The following GPM6A variants were observed in gnomAD, a reference collection of about 807,000 sequenced individuals.
The protein encoded by GPM6A is glycoprotein M6A.
Under a neutral mutation model 32.1 loss-of-function variants are expected in GPM6A, and 7 were observed. The ratio of observed to expected loss-of-function variants is 0.22; its 90% CI spans 0.12 to 0.41. GPM6A has a LOEUF of 0.41. Ranked by LOEUF, GPM6A falls within the 10% of genes least tolerant of loss-of-function variation. The probability of loss-of-function intolerance (pLI) is 1.00; values close to 1 mark genes in which losing one functional copy is unlikely to be tolerated. For missense variants in GPM6A, 235 were observed against 347.2 expected, an observed-to-expected ratio of 0.68 and a Z score of 2.57; for synonymous variants, 130 against 123.4, an observed-to-expected ratio of 1.05 and a Z score of -0.35.
intron 1 of GPM6A, among the ~76,000 whole-genome samples, chr4:175,804,243 C>T (rs1734589406): frequency 6.6e-6 from 1 of 152,174 alleles, no homozygotes; most frequent in Admixed American, 6.5e-5. Context: ...CTTACTGCCA[C>T]TCAAATGTAC....
intron 1 of GPM6A, among the ~76,000 whole-genome samples, chr4:175,832,009 G>A (rs1015255093): frequency 2.6e-5 from 4 of 151,890 alleles, no homozygotes; most frequent in African/African-American, 7.3e-5. Flanking sequence ...GTGAGCCACC[G>A]TGCCTGGCCT....
chr4:175,878,187 G>A (rs1737147032), intron 1 of GPM6A, among the ~76,000 whole-genome samples: 1 of 152,168 alleles, frequency 6.6e-6, no homozygotes, highest in Non-Finnish European at 1.5e-5. Context: ...GGTATTGAAT[G>A]TCTACAGCTT....
At chr4:175,684,567 T>G (rs1293871475) in intron 2 of GPM6A, among the ~76,000 whole-genome samples, 1 of 152,230 alleles carries the variant, frequency 6.6e-6, no homozygotes, top group Non-Finnish European at 1.5e-5. Flanking sequence ...ATCTAAAAGA[T>G]AAAATCTAAC....
At chr4:175,711,943 C>G (rs1024823722) in intron 1 of GPM6A, among the ~76,000 whole-genome samples, 1 of 152,036 alleles carries the variant, frequency 6.6e-6, no homozygotes, top group Non-Finnish European at 1.5e-5. Flanking sequence ...AATAGATGCT[C>G]TAAATAGGCA....
At chr4:175,884,048 G>C (rs1393573434) in intron 1 of GPM6A, among the ~76,000 whole-genome samples, 1 of 152,114 alleles carries the variant, frequency 6.6e-6, no homozygotes, top group African/African-American at 2.4e-5. Context: ...TCAAAAATAA[G>C]CTTTTCCTTT....
intron 1 of GPM6A, chr4:175,800,876 G>A (rs969162610): frequency 2.5e-5 from 5 of 197,496 alleles, no homozygotes; most frequent in Non-Finnish European, 2.3e-5. Flanking sequence ...ATTGAGTCAT[G>A]CCACATGTAT....
intron 1 of GPM6A, among the ~76,000 whole-genome samples, chr4:175,851,211 G>C (rs1042954900): frequency 1.3e-5 from 2 of 152,030 alleles, no homozygotes; most frequent in African/African-American, 4.8e-5. Context: ...ACAAAAATTA[G>C]CTGGGTGTGG....
chr4:175,904,443 C>A (rs1738065485), intron 1 of GPM6A, among the ~76,000 whole-genome samples: 1 of 152,072 alleles, frequency 6.6e-6, no homozygotes, highest in South Asian at 2.1e-4. Context: ...TACATATACA[C>A]ACACATATAT....
At chr4:175,871,383 T>A (rs1217256102) in intron 1 of GPM6A, among the ~76,000 whole-genome samples, 1 of 151,938 alleles carries the variant, frequency 6.6e-6, no homozygotes, top group Non-Finnish European at 1.5e-5. Flanking sequence ...GGCAGGAGAA[T>A]CACTTGAACC....
chr4:175,950,548 C>T (rs1006509018), intron 1 of GPM6A, among the ~76,000 whole-genome samples: 4 of 152,182 alleles, frequency 2.6e-5, no homozygotes, highest in African/African-American at 7.2e-5. Context: ...GTTATTGAAA[C>T]GTGCTTCAAA....
In GPM6A at chr4:175,737,198, A is replaced by C. The variant is rs116354025; in HGVS notation, c.38-35431T>G. Among the ~76,000 whole-genome samples the C allele has an allele frequency of 9.9e-3, 1,513 of 152,348 alleles. 23 individuals are homozygous for C. Among genetic ancestry groups the C allele is most frequent in the African/African-American group, 0.034 (1,421 of 41,576 alleles). ...CAAAGCACTTCTTGGTCACTGTATT[A>C]GTCCATTTAGCATTGCTATAAAGGA... On this transcript the variant is annotated intron_variant, in intron 1 of 6. Transcript: ENST00000393658.
intron 1 of GPM6A, among the ~76,000 whole-genome samples, chr4:175,973,685 G>A (rs114969327): frequency 0.012 from 1,864 of 152,228 alleles, 32 homozygotes; most frequent in African/African-American, 0.043. Context: ...CAGCTCCCCT[G>A]GCTAGCCTCT....
chr4:175,732,743 T>C (rs777848312), intron 1 of GPM6A, among the ~76,000 whole-genome samples: 18 of 152,222 alleles, frequency 1.2e-4, no homozygotes, highest in Non-Finnish European at 2.5e-4. Context: ...CTTCTTATGA[T>C]ACTTCTTCAT....
upstream of GPM6A, among the ~76,000 whole-genome samples, chr4:175,817,109 C>A (rs1735129954): frequency 6.6e-6 from 1 of 152,140 alleles, no homozygotes; most frequent in Non-Finnish European, 1.5e-5. Context: ...CCGCCCGCCT[C>A]GGCCTCCCAA....
intron 2 of GPM6A, among the ~76,000 whole-genome samples, chr4:175,683,602 G>A (rs910148943): frequency 3.3e-5 from 5 of 151,964 alleles, no homozygotes; most frequent in African/African-American, 1.2e-4. Flanking sequence ...TGGGTCTTGG[G>A]GGTGGATCTC....
At chr4:175,888,442 T>A (rs1488065503) in intron 1 of GPM6A, among the ~76,000 whole-genome samples, 1 of 151,966 alleles carries the variant, frequency 6.6e-6, no homozygotes, top group Non-Finnish European at 1.5e-5. Flanking sequence ...AAATTAAATA[T>A]ACAAGAACTA....
At chr4:175,708,991 T>A (rs567764474) in intron 1 of GPM6A, among the ~76,000 whole-genome samples, 2 of 152,328 alleles carry the variant, frequency 1.3e-5, no homozygotes, top group East Asian at 3.9e-4. Context: ...TTTAAACTAC[T>A]GATCTAATAC....
chr4:175,691,508 A>G (rs1304862039), intron 2 of GPM6A, among the ~76,000 whole-genome samples: 1 of 152,232 alleles, frequency 6.6e-6, no homozygotes, highest in African/African-American at 2.4e-5. Context: ...TTAATTCCAC[A>G]AAGCTATGCT....
At chr4:175,786,113 C>A (rs537385062) in intron 1 of GPM6A, among the ~76,000 whole-genome samples, 2 of 152,240 alleles carry the variant, frequency 1.3e-5, no homozygotes, top group East Asian at 3.9e-4. Context: ...AAACTTTCAA[C>A]AGAAAACACA....
Sources: gnomAD v4.1 joint callset for allele counts (sites outside exome capture counted in the v4.1 genomes callset) on GRCh38, gnomAD v4.1.1 for gene constraint, MANE v1.5 for transcripts, NCBI Gene and HGNC (gene_info 2026-07-23, HGNC 2026-07-21) for gene names.